Variants in NLK observed in about 807,000 individuals in gnomAD.
NLK encodes serine/threonine-protein kinase NLK.
A neutral mutation model predicts 59.0 loss-of-function variants in NLK; 11 were observed. That is an observed-to-expected ratio of 0.19 (90% CI 0.12 to 0.31). The LOEUF is 0.31. Ranked by LOEUF, NLK falls within the 10% of genes least tolerant of loss-of-function variation. The pLI, the probability that NLK is intolerant of heterozygous loss-of-function variation, is 1.00. For missense variants in NLK, 410 were observed against 661.1 expected, an observed-to-expected ratio of 0.62 and a Z score of 4.16; for synonymous variants, 235 against 235.9, an observed-to-expected ratio of 1.00 and a Z score of 0.03.
chr17:28,161,377 TTTTTC>T, intron 4 of NLK, 111 bp downstream of exon 4: 1 of 610,854 alleles, frequency 1.6e-6, no homozygotes, highest in Non-Finnish European at 2.9e-6. Flanking sequence ...TCTAAAGACT[TTTTTC>T]TTTTGACCAA....
Position 28,043,050 on chromosome 17 carries a change from C to T in NLK, c.177C>T (p.Ala59=), listed in dbSNP as rs983444348. Residue 59 remains alanine, a synonymous_variant, in exon 1 of 11, where the codon GCC becomes GCT. Coordinates refer to ENST00000407008, the MANE Select transcript of NLK (RefSeq NM_016231.5). ...PQHHLHPGSA[A]AVHPVQQHTS... is the part of the protein sequence containing the mutation. ...ACCATCTTCATCCGGGGTCGGCTGC[C>T]GCTGTACACCCTGTACAGCAGCACA... 6.4e-6 allele frequency: 10 copies of T among 1,560,206 alleles called. No individual in the cohort carries two copies. The highest frequency in any genetic ancestry group is 4.1e-5 in the African/African-American group (3 of 73,410).
the NLK span, among the ~76,000 whole-genome samples, chr17:28,202,275 A>G: frequency 6.6e-6 from 1 of 152,134 alleles, no homozygotes; most frequent in Non-Finnish European, 1.5e-5. Context: ...TAGTGCCTGT[A>G]GTTTCAGCTA....
intron 1 of NLK, among the ~76,000 whole-genome samples, chr17:28,089,483 C>T (rs1292531844): frequency 3.0e-4 from 45 of 150,118 alleles, no homozygotes; most frequent in Admixed American, 2.4e-3. Flanking sequence ...TTTTCATTCA[C>T]TTACTGATGA....
chr17:28,180,254 A>C (rs190821448), intron 7 of NLK, among the ~76,000 whole-genome samples: 242 of 152,320 alleles, frequency 1.6e-3, no homozygotes, highest in African/African-American at 4.8e-3. Flanking sequence ...TTAAAATTTC[A>C]GGTAGCCTTA....
At chr17:28,110,937 C>T (rs1192575558) in intron 1 of NLK, among the ~76,000 whole-genome samples, 135 of 151,060 alleles carry the variant, frequency 8.9e-4, no homozygotes, top group Admixed American at 1.7e-3. Flanking sequence ...CTCCGCCTCC[C>T]GGGTTCACGC....
intron 10 of NLK, 31 bp downstream of exon 10, chr17:28,192,244 G>A: frequency 8.4e-7 from 1 of 1,184,064 alleles, no homozygotes; most frequent in Non-Finnish European, 1.2e-6. Flanking sequence ...CAACATTCTT[G>A]TTAGAATTAA....
chr17:28,156,068 C>A (rs1355652430), intron 3 of NLK, among the ~76,000 whole-genome samples: 1 of 151,846 alleles, frequency 6.6e-6, no homozygotes, highest in Non-Finnish European at 1.5e-5. Context: ...TTTATAATTT[C>A]CATTTTCTAC....
At chr17:28,129,070 T>G (rs1242435117) in intron 2 of NLK, among the ~76,000 whole-genome samples, 1 of 152,148 alleles carries the variant, frequency 6.6e-6, no homozygotes, top group Non-Finnish European at 1.5e-5. Context: ...CTTCACTCTT[T>G]ATTATGCAGT....
intron 9 of NLK, among the ~76,000 whole-genome samples, chr17:28,191,439 A>G (rs554834015): frequency 6.6e-6 from 1 of 152,306 alleles, no homozygotes; most frequent in South Asian, 2.1e-4. Context: ...CTTATTTTCA[A>G]AGTTTATTTA....
At chr17:28,050,953 A>G (rs919771624) in intron 1 of NLK, among the ~76,000 whole-genome samples, 1 of 150,176 alleles carries the variant, frequency 6.7e-6, no homozygotes, top group African/African-American at 2.4e-5. Flanking sequence ...AAAAGTACAG[A>G]AAAAAAAAAT....
chr17:28,063,189 C>T (rs1909722761), intron 1 of NLK, among the ~76,000 whole-genome samples: 4 of 152,298 alleles, frequency 2.6e-5, no homozygotes, highest in Non-Finnish European at 1.5e-5. Flanking sequence ...ACTTTGGCCT[C>T]CCAAAGTGCT....
intron 1 of NLK, among the ~76,000 whole-genome samples, chr17:28,094,065 A>G (rs1156859289): frequency 6.6e-6 from 1 of 152,240 alleles, no homozygotes; most frequent in Non-Finnish European, 1.5e-5. Context: ...TGATTAATTC[A>G]CAGATGCTGA....
chr17:28,151,729 A>G (rs879588619), intron 3 of NLK, among the ~76,000 whole-genome samples: 3 of 152,206 alleles, frequency 2.0e-5, no homozygotes, highest in Non-Finnish European at 4.4e-5. Context: ...TCATCTTCTC[A>G]AGAAGCAGAG....
chr17:28,194,736 C>A lies in NLK; in HGVS notation c.*100C>A. 1.5e-6 allele frequency: 1 copy of A among 655,644 alleles called. No homozygotes were observed. Among genetic ancestry groups the A allele is most frequent in the Non-Finnish European group, 2.5e-6 (1 of 402,056 alleles). The allele number at this position is 655,644 out of a possible 1,614,324, so 40.6% of individuals were successfully genotyped here. On this transcript the variant is annotated 3_prime_UTR_variant, in exon 11 of 11. Coordinates refer to ENST00000407008, the MANE Select transcript of NLK (RefSeq NM_016231.5). ...TAATCATGCTTGTACTGTAATTTTACTAATGAAGTTTTAAATTAACAACCA... is the reference window on the plus strand; with the variant it reads ...TAATCATGCTTGTACTGTAATTTTAATAATGAAGTTTTAAATTAACAACCA...
intron 3 of NLK, among the ~76,000 whole-genome samples, chr17:28,149,314 T>C (rs574601467): frequency 6.6e-6 from 1 of 152,322 alleles, no homozygotes; most frequent in South Asian, 2.1e-4. Flanking sequence ...TCTTCCTGCC[T>C]CGGCCTCCCA....
intron 2 of NLK, among the ~76,000 whole-genome samples, chr17:28,123,755 G>A (rs1906173249): frequency 6.6e-6 from 1 of 152,136 alleles, no homozygotes; most frequent in East Asian, 1.9e-4. Context: ...ATAGACTCGT[G>A]TTTTGACAGA....
chr17:28,061,869 C>CAT (rs964172510), intron 1 of NLK: 1 of 138,442 alleles, frequency 7.2e-6, no homozygotes, highest in South Asian at 2.2e-4. Flanking sequence ...TATACATATA[C>CAT]ATATATATAA....
chr17:28,114,935 A>G lies in NLK; in HGVS notation c.459-7668A>G, dbSNP rs574492633. 2.6e-5 allele frequency among the ~76,000 whole-genome samples: 4 copies of G among 152,340 alleles called. No individual in the cohort carries two copies. In the South Asian group the frequency reaches 8.3e-4, roughly 32 times the overall value. On this transcript the variant is annotated intron_variant, in intron 1 of 10. Coordinates refer to ENST00000407008, the MANE Select transcript of NLK (RefSeq NM_016231.5). ...AGATAACTAAAAATGCAAGAAGAAA[A>G]CACTAAGATATCACAAAAGTAGCAG...
downstream of NLK, among the ~76,000 whole-genome samples, chr17:28,199,499 C>A (rs71372364): frequency 6.6e-6 from 1 of 151,826 alleles, no homozygotes; most frequent in Non-Finnish European, 1.5e-5. Context: ...AAACCCGTCT[C>A]TACTAAAAAC....
Sources: gnomAD v4.1 joint callset for allele counts (sites outside exome capture counted in the v4.1 genomes callset) on GRCh38, gnomAD v4.1.1 for gene constraint, MANE v1.5 for transcripts, NCBI Gene and HGNC (gene_info 2026-07-23, HGNC 2026-07-21) for gene names.